The following CDKL1 variants were observed in gnomAD, a reference collection of about 807,000 sequenced individuals.
CDKL1 encodes the protein cyclin dependent kinase like 1.
In CDKL1, 41 loss-of-function variants were observed where a neutral mutation model predicts 42.0. The ratio of observed to expected loss-of-function variants is 0.98; its 90% CI spans 0.76 to 1.27. The LOEUF (loss-of-function observed/expected upper bound fraction) is 1.27, where lower values mean the gene tolerates loss of function less well. Among genes scored for constraint, CDKL1 ranks in the 50% most tolerant of loss-of-function variants. The probability of loss-of-function intolerance (pLI) is 0.00; values close to 1 mark genes in which losing one functional copy is unlikely to be tolerated. For synonymous variants in CDKL1, 153 were observed against 158.6 expected (o/e 0.96, Z 0.26); for missense variants, 394 against 428.4 (o/e 0.92, Z 0.71).
intron 7 of CDKL1, among the ~76,000 whole-genome samples, chr14:50,336,441 TG>T (rs1250851517): frequency 1.3e-5 from 2 of 152,108 alleles, no homozygotes; most frequent in African/African-American, 4.8e-5. Flanking sequence ...GGAAGCCAGA[TG>T]GGTCACCTCC....
chr14:50,369,937 G>A (rs529154650), intron 2 of CDKL1, among the ~76,000 whole-genome samples: 46 of 151,186 alleles, frequency 3.0e-4, no homozygotes, highest in African/African-American at 1.0e-3. Context: ...ATGTTTATGG[G>A]GTTCAAATTA....
At chr14:50,397,150 A>G (rs759826388), upstream of CDKL1, 9 of 1,366,088 alleles carry the variant, frequency 6.6e-6, no homozygotes, top group African/African-American at 1.0e-4. Context: ...GCGTCTGCGG[A>G]GCAAGACGCC....
chr14:50,364,079 G>A (rs887738721), intron 2 of CDKL1: 4 of 152,308 alleles, frequency 2.6e-5, no homozygotes, highest in African/African-American at 9.6e-5. Context: ...CACTGTGCCA[G>A]TAAAGGACAC....
chr14:50,391,186 A>G (rs2035248281), intron 2 of CDKL1, among the ~76,000 whole-genome samples: 1 of 152,022 alleles, frequency 6.6e-6, no homozygotes, highest in Non-Finnish European at 1.5e-5. Flanking sequence ...CTTTCTCTGT[A>G]ATCTGACTTC....
At chr14:50,388,731 G>A (rs1265226151) in intron 2 of CDKL1, among the ~76,000 whole-genome samples, 1 of 152,140 alleles carries the variant, frequency 6.6e-6, no homozygotes, top group African/African-American at 2.4e-5. Context: ...AAATCATAGC[G>A]ATAAGGCACG....
intron 4 of CDKL1, chr14:50,342,987 C>A (rs191157858): frequency 3.0e-5 from 40 of 1,355,814 alleles, no homozygotes; most frequent in Admixed American, 2.9e-4. Context: ...GAGATGCGGC[C>A]CCCCCTCCAG....
intron 2 of CDKL1, among the ~76,000 whole-genome samples, chr14:50,382,916 G>T (rs972225491): frequency 7.2e-6 from 1 of 139,218 alleles, no homozygotes; most frequent in Non-Finnish European, 1.5e-5. Context: ...TTTTAGTGTG[G>T]TTTACAGTTT....
At chr14:50,380,864 A>G (rs1388526529) in intron 2 of CDKL1, among the ~76,000 whole-genome samples, 1 of 146,730 alleles carries the variant, frequency 6.8e-6, no homozygotes, top group East Asian at 2.1e-4. Context: ...GCTAGAGTGC[A>G]CTATATAGCT....
At chr14:50,335,408 G>C in intron 7 of CDKL1, 1 of 1,374,604 alleles carries the variant, frequency 7.3e-7, no homozygotes, top group Non-Finnish European at 1.0e-6. Context: ...TGATTTTCTG[G>C]AATAAACACT....
intron 7 of CDKL1, 25 bp downstream of exon 7, chr14:50,338,922 G>C: frequency 6.9e-7 from 1 of 1,458,754 alleles, no homozygotes; most frequent in South Asian, 1.1e-5. Flanking sequence ...GGCCTACAGA[G>C]CTCTCTCCAA....
chr14:50,378,118 C>A (rs1399858604), intron 2 of CDKL1: 4 of 1,329,118 alleles, frequency 3.0e-6, no homozygotes, highest in Non-Finnish European at 4.0e-6. Context: ...TTTCCCTGAA[C>A]CTTCAGGGCT....
At chr14:50,372,141 TCTCA>T (rs1306707102) in intron 2 of CDKL1, among the ~76,000 whole-genome samples, 3 of 152,230 alleles carry the variant, frequency 2.0e-5, no homozygotes, top group African/African-American at 7.2e-5. Context: ...TGAGACGGAG[TCTCA>T]CTCTGTTGCT....
chr14:50,335,989 C>G (rs1160093101), intron 7 of CDKL1: 1 of 1,366,706 alleles, frequency 7.3e-7, no homozygotes, highest in Non-Finnish European at 9.8e-7. Context: ...CCTCATACTT[C>G]CACTCATGCT....
chr14:50,377,851 G>C, intron 2 of CDKL1: 2 of 607,994 alleles, frequency 3.3e-6, no homozygotes, highest in South Asian at 4.5e-5. Context: ...GGTCAGGTTA[G>C]CCACGAACAG....
intron 3 of CDKL1, among the ~76,000 whole-genome samples, chr14:50,347,767 G>A (rs2033775995): frequency 2.0e-5 from 3 of 152,198 alleles, no homozygotes; most frequent in Admixed American, 1.3e-4. Flanking sequence ...GCCTAGGACT[G>A]AATGAAGCCA....
intron 2 of CDKL1, among the ~76,000 whole-genome samples, chr14:50,379,311 G>T (rs971424925): frequency 4.6e-5 from 7 of 152,124 alleles, no homozygotes; most frequent in African/African-American, 1.7e-4. Flanking sequence ...GGGACTGCAG[G>T]ACCTACCACC....
rs1427286847 is a variant in CDKL1 at position 50,395,807 on chromosome 14, C to T, written c.62G>A (p.Cys21Tyr). The T allele has an allele frequency of 3.1e-6, 5 of 1,612,082 alleles. No individual in the cohort carries two copies. The highest frequency in any genetic ancestry group is 4.2e-6 in the Non-Finnish European group (5 of 1,178,062). ...AATCTGACCCGTGTCCCTGTTTCTA[C>T]ATTTGAAAACAACTCCATAGGATCC... ...GEGSYGVVFK[C>Y]RNRDTGQIVA... Residue 21 changes from cysteine (C) to tyrosine (Y), a missense_variant, in exon 2 of 10, where the codon TGT becomes TAT. Transcript: ENST00000395834.
intron 9 of CDKL1, chr14:50,331,298 A>G (rs2032928341): frequency 6.6e-6 from 1 of 152,176 alleles, no homozygotes; most frequent in Non-Finnish European, 1.5e-5. Context: ...TTTCCATCAA[A>G]ACCTTTTGCT....
intron 7 of CDKL1, among the ~76,000 whole-genome samples, chr14:50,338,246 T>C (rs910560386): frequency 6.6e-6 from 1 of 151,860 alleles, no homozygotes; most frequent in African/African-American, 2.4e-5. Flanking sequence ...TTGGAAAGAG[T>C]CTTGCTCTGT....
Sources: allele counts gnomAD v4.1 joint callset (sites outside exome capture counted in the v4.1 genomes callset), GRCh38; gene constraint gnomAD v4.1.1; transcripts MANE v1.5; gene names NCBI Gene and HGNC (gene_info 2026-07-23, HGNC 2026-07-21).